Variants in HMGXB4 observed in about 807,000 individuals in gnomAD.
HMGXB4 encodes the protein HMG-box containing 4.
Under a neutral mutation model 63.9 loss-of-function variants are expected in HMGXB4, and 27 were observed. The observed-to-expected ratio is 0.42, with a 90% CI of 0.31 to 0.58. The LOEUF is 0.58. Among genes scored for constraint, HMGXB4 ranks in the 20% least tolerant of loss-of-function variants. The probability of loss-of-function intolerance (pLI) is 0.13; values close to 1 mark genes in which losing one functional copy is unlikely to be tolerated. For missense variants in HMGXB4, 624 were observed against 700.7 expected (o/e 0.89, Z 1.24); for synonymous variants, 264 against 265.3 (o/e 0.99, Z 0.05).
chr22:35,275,311 G>A (rs1923847218), intron 5 of HMGXB4, among the ~76,000 whole-genome samples: 1 of 151,714 alleles, frequency 6.6e-6, no homozygotes, highest in South Asian at 2.1e-4. Context: ...GTGGAAACAG[G>A]GTTTCACCAC....
chr22:35,264,070 G>C, intron 4 of HMGXB4, 196 bp downstream of exon 4: 2 of 1,542,348 alleles, frequency 1.3e-6, no homozygotes, highest in Non-Finnish European at 1.7e-6. Flanking sequence ...CAGCATAGAA[G>C]AACAGTCTGC....
chr22:35,259,604 T>G (rs1719174090), intron 1 of HMGXB4, among the ~76,000 whole-genome samples: 1 of 152,232 alleles, frequency 6.6e-6, no homozygotes, highest in South Asian at 2.1e-4. Context: ...TGCTTGAGAT[T>G]TATCTGGTAT....
rs16995553 is a variant in HMGXB4, at chr22:35,264,612, C to A, written c.260-36C>A. ...AGGAAACTTGTTAGAAGTTGCTTCC[C>A]ATCATATTGACAGTACTTCTCTTGA... On this transcript the variant is annotated intron_variant, in intron 4 of 10. Coordinates refer to ENST00000216106, the MANE Select transcript of HMGXB4 (RefSeq NM_001003681.3). The A allele has an allele frequency of 0.014, 19,892 of 1,443,326 alleles. 773 individuals carry two copies. The Admixed American group carries it at 0.15, about 11-fold the overall frequency. 89.4% of individuals were successfully genotyped at this position (1,443,326 alleles called of 1,614,324 possible). A position where few individuals can be genotyped will look rare whatever the true frequency, so the allele number is the denominator to read the frequency against.
chr22:35,262,511 A>G (rs1242424546), intron 2 of HMGXB4, 90 bp downstream of exon 2: 25 of 1,241,480 alleles, frequency 2.0e-5, no homozygotes, highest in Non-Finnish European at 2.8e-5. Flanking sequence ...ACTGGGCACC[A>G]CAGCCTGGAC....
intron 1 of HMGXB4, 47 bp from the exon 2 acceptor site, chr22:35,262,276 C>T: frequency 1.9e-6 from 2 of 1,055,742 alleles, no homozygotes; most frequent in South Asian, 2.6e-5. Flanking sequence ...GTTGCTTCTC[C>T]TCAGTGATTT....
intron 5 of HMGXB4, among the ~76,000 whole-genome samples, chr22:35,278,120 G>C (rs1201324516): frequency 2.6e-5 from 4 of 152,140 alleles, no homozygotes; most frequent in Non-Finnish European, 4.4e-5. Context: ...TTTTCAGATT[G>C]GTTTCTTGCA....
At chr22:35,280,187 C>T (rs1222707946) in intron 5 of HMGXB4, among the ~76,000 whole-genome samples, 1 of 152,116 alleles carries the variant, frequency 6.6e-6, no homozygotes, top group Non-Finnish European at 1.5e-5. Context: ...CCCACCCTTA[C>T]GGGAATGCAA....
the HMGXB4 span, among the ~76,000 whole-genome samples, chr22:35,244,860 G>T: frequency 1.3e-5 from 2 of 152,154 alleles, no homozygotes; most frequent in Admixed American, 1.3e-4. Flanking sequence ...TAACAAAACT[G>T]CTGGCAACTG....
chr22:35,273,147 C>T (rs1254293322), intron 5 of HMGXB4, among the ~76,000 whole-genome samples: 1 of 152,114 alleles, frequency 6.6e-6, no homozygotes, highest in Non-Finnish European at 1.5e-5. Context: ...CTCTGGCAAA[C>T]CTGAGGCTAA....
At chr22:35,244,344 A>G in the HMGXB4 span, among the ~76,000 whole-genome samples, 16 of 145,378 alleles carry the variant, frequency 1.1e-4, no homozygotes, top group Admixed American at 4.2e-4. Flanking sequence ...CCCAGGCTGG[A>G]GTACAATGGC....
upstream of HMGXB4, among the ~76,000 whole-genome samples, chr22:35,256,553 G>A (rs112469170): frequency 0.032 from 4,938 of 152,254 alleles, 104 homozygotes; most frequent in East Asian, 0.079. Context: ...AGGCTGGAGT[G>A]CAGTGGCGCA....
chr22:35,287,507 T>G (rs1208241251), intron 8 of HMGXB4, 55 bp downstream of exon 8: 2 of 1,304,350 alleles, frequency 1.5e-6, no homozygotes, highest in East Asian at 4.9e-5. Flanking sequence ...TTTTGCTTCC[T>G]TGCTAAGAAA....
chr22:35,260,792 C>CT, intron 1 of HMGXB4, among the ~76,000 whole-genome samples: 1 of 152,228 alleles, frequency 6.6e-6, no homozygotes. Context: ...CCATTTAGGC[C>CT]TACCTGTATG....
intron 5 of HMGXB4, among the ~76,000 whole-genome samples, chr22:35,275,133 T>TTG: frequency 2.5e-5 from 2 of 80,230 alleles, no homozygotes; most frequent in African/African-American, 7.3e-5. Flanking sequence ...TTTTTTTTTT[T>TTG]TTTGAGACGG....
Position 35,290,610 on chromosome 22 carries a change from G to A in HMGXB4, c.1638+2203G>A, listed in dbSNP as rs866125222. ...TGCGCCACTGCACTCCAGCCTGGGC[G>A]ACGGAGCGAGACTCCGCCTCAAAAA... On this transcript the variant is annotated intron_variant, in intron 9 of 10. Coordinates refer to ENST00000216106, the MANE Select transcript of HMGXB4 (RefSeq NM_001003681.3). 2.8e-4 allele frequency among the ~76,000 whole-genome samples: 39 copies of A among 137,208 alleles called. No individual in the cohort carries two copies. The South Asian group carries it at 8.2e-3, about 29-fold the overall frequency. 90.0% of individuals were successfully genotyped at this position (137,208 alleles called of 152,430 possible).
At chr22:35,282,562 G>A (rs1415136075) in intron 5 of HMGXB4, among the ~76,000 whole-genome samples, 1 of 152,192 alleles carries the variant, frequency 6.6e-6, no homozygotes, top group Non-Finnish European at 1.5e-5. Context: ...TTGGAGGAAA[G>A]CCATACTGAA....
chr22:35,251,350 C>T, the HMGXB4 span, among the ~76,000 whole-genome samples: 1 of 152,322 alleles, frequency 6.6e-6, no homozygotes, highest in Non-Finnish European at 1.5e-5. Context: ...GCTGGGATTA[C>T]AGGCATAAGC....
the HMGXB4 span, among the ~76,000 whole-genome samples, chr22:35,242,747 T>C: frequency 6.6e-6 from 1 of 152,206 alleles, no homozygotes; most frequent in Non-Finnish European, 1.5e-5. Flanking sequence ...TTCTAATGTA[T>C]TCATTTAGTG....
chr22:35,264,897 A>T lies in HMGXB4; in HGVS notation c.509A>T (p.Lys170Ile). ...GAGGATGGTGGCTCCCACAAATCGA[A>T]AAAAATGAAACCTCTCTATGTGAAC... Reference protein sequence around the residue: ...PLEDGGSHKSKKMKPLYVNTE... With the variant: ...PLEDGGSHKSIKMKPLYVNTE... The change falls in exon 5 of 11, where the codon AAA becomes ATA. Residue 170 changes from lysine to isoleucine, a missense_variant. By Grantham distance (102) the Lys-to-Ile change is moderately radical. Around this residue, in one of 2 missense-constraint regions of HMGXB4, gnomAD observed 472 missense variants for 470.6 expected, o/e 1.00. Transcript: ENST00000216106. The T allele has an allele frequency of 6.2e-7, 1 of 1,614,174 alleles. No homozygotes were observed. The highest frequency in any genetic ancestry group is 8.5e-7 in the Non-Finnish European group (1 of 1,180,034).
Sources: allele counts gnomAD v4.1 joint callset (sites outside exome capture counted in the v4.1 genomes callset), GRCh38; gene constraint gnomAD v4.1.1; regional missense constraint gnomAD v4.1.1; transcripts MANE v1.5; gene names NCBI Gene and HGNC (gene_info 2026-07-23, HGNC 2026-07-21).